CDH13: variants seen among roughly 807,000 people sequenced by gnomAD.
CDH13 encodes cadherin-13.
In CDH13, 24 loss-of-function variants were observed where a neutral mutation model predicts 63.8. That is an observed-to-expected ratio of 0.38 (90% confidence interval 0.27 to 0.53). The LOEUF (loss-of-function observed/expected upper bound fraction) is 0.53, where lower values mean the gene tolerates loss of function less well. Ranked by LOEUF, CDH13 falls within the 20% of genes least tolerant of loss-of-function variation. CDH13 has a pLI of 0.85. For synonymous variants in CDH13, 503 were observed against 355.3 expected, an observed-to-expected ratio of 1.42 and a Z score of -4.67; for missense variants, 1,049 against 903.1, an observed-to-expected ratio of 1.16 and a Z score of -2.07.
intron 5 of CDH13, among the ~76,000 whole-genome samples, chr16:83,288,637 T>A (rs1597671386): frequency 6.6e-6 from 1 of 152,324 alleles, no homozygotes; most frequent in East Asian, 1.9e-4. Context: ...AGAAAGCTTG[T>A]GTCCCCAAGA....
At chr16:82,719,889 C>T (rs1002926331) in intron 1 of CDH13, among the ~76,000 whole-genome samples, 2 of 150,530 alleles carry the variant, frequency 1.3e-5, no homozygotes, top group African/African-American at 4.9e-5. Flanking sequence ...ACCATATGTC[C>T]TCACTTAACT....
intron 1 of CDH13, among the ~76,000 whole-genome samples, chr16:82,857,020 C>T (rs532752576): frequency 3.4e-4 from 52 of 152,286 alleles, no homozygotes; most frequent in Non-Finnish European, 6.3e-4. Flanking sequence ...ATAAAATACC[C>T]TTCCACAAGT....
At chr16:83,220,093 T>G (rs141561718) in intron 5 of CDH13, among the ~76,000 whole-genome samples, 51 of 152,330 alleles carry the variant, frequency 3.3e-4, no homozygotes, top group African/African-American at 1.2e-3. Flanking sequence ...AGCGCACTCT[T>G]CAATGGGCTC....
intron 8 of CDH13, among the ~76,000 whole-genome samples, chr16:83,615,865 A>G (rs1177450458): frequency 6.6e-6 from 1 of 152,206 alleles, no homozygotes; most frequent in Non-Finnish European, 1.5e-5. Flanking sequence ...TTTGCTGCAA[A>G]ACCGCCAACA....
intron 4 of CDH13, among the ~76,000 whole-genome samples, chr16:83,153,255 G>C (rs115371217): frequency 0.041 from 6,281 of 152,092 alleles, 191 homozygotes; most frequent in Non-Finnish European, 0.057. Context: ...GGGGTGTCAT[G>C]TTCTTCTTGC....
At chr16:83,439,583 G>A (rs59857006) in intron 6 of CDH13, among the ~76,000 whole-genome samples, 1,699 of 152,328 alleles carry the variant, frequency 0.011, 33 homozygotes, top group African/African-American at 0.039. Context: ...GGCTACAGCC[G>A]TAATTGGCAA....
chr16:83,466,592 C>A (rs1169621670), intron 6 of CDH13, among the ~76,000 whole-genome samples: 1 of 152,176 alleles, frequency 6.6e-6, no homozygotes, highest in African/African-American at 2.4e-5. Context: ...TTCATCAACC[C>A]AAAACTCAGG....
intron 7 of CDH13, among the ~76,000 whole-genome samples, chr16:83,501,001 A>G (rs2074272015): frequency 6.6e-6 from 1 of 152,164 alleles, no homozygotes; most frequent in Non-Finnish European, 1.5e-5. Flanking sequence ...ATGTTTTCAA[A>G]GGTGTATTAA....
intron 10 of CDH13, among the ~76,000 whole-genome samples, chr16:83,722,776 G>GGT (rs1909870393): frequency 6.6e-6 from 1 of 152,246 alleles, no homozygotes; most frequent in African/African-American, 2.4e-5. Context: ...AGGCTGGGGG[G>GGT]GTGGATTTCA....
At chr16:83,533,072 C>T (rs985846042) in intron 7 of CDH13, among the ~76,000 whole-genome samples, 29 of 152,282 alleles carry the variant, frequency 1.9e-4, no homozygotes, top group African/African-American at 7.0e-4. Flanking sequence ...TTCTGTTCTG[C>T]CTGCTCCTAT....
At chr16:83,728,342 C>CGT (rs145865689) in intron 10 of CDH13, among the ~76,000 whole-genome samples, 79 of 149,320 alleles carry the variant, frequency 5.3e-4, no homozygotes, top group East Asian at 3.9e-3. Context: ...TATGTGTGTG[C>CGT]GTGTGTGTGT....
At chr16:82,671,683 A>T (rs887106524) in intron 1 of CDH13, among the ~76,000 whole-genome samples, 1 of 152,138 alleles carries the variant, frequency 6.6e-6, no homozygotes, top group Non-Finnish European at 1.5e-5. Flanking sequence ...CGTGAATCCA[A>T]CTGAAATTTT....
intron 1 of CDH13, among the ~76,000 whole-genome samples, chr16:82,828,249 T>G (rs769992596): frequency 1.7e-4 from 26 of 152,340 alleles, no homozygotes; most frequent in South Asian, 1.4e-3. Flanking sequence ...GAAGACTCTT[T>G]ACGTCTGTTT....
intron 7 of CDH13, among the ~76,000 whole-genome samples, chr16:83,521,328 T>C (rs563980608): frequency 6.6e-6 from 1 of 152,164 alleles, no homozygotes; most frequent in African/African-American, 2.4e-5. Context: ...AGGTACTCTT[T>C]GCTCTTTGAA....
chr16:82,868,445 G>A (rs144541481), intron 2 of CDH13, among the ~76,000 whole-genome samples: 67 of 152,200 alleles, frequency 4.4e-4, no homozygotes, highest in South Asian at 3.7e-3. Flanking sequence ...ATAAAATGAC[G>A]TAAGATAAGA....
At chr16:82,973,034 A>G (rs1035368632) in intron 2 of CDH13, among the ~76,000 whole-genome samples, 1 of 152,122 alleles carries the variant, frequency 6.6e-6, no homozygotes, top group Non-Finnish European at 1.5e-5. Flanking sequence ...GAATCTCAGA[A>G]TTTACTGCCA....
At chr16:82,823,442 A>G (rs1348899806) in intron 1 of CDH13, 1 of 152,232 alleles carries the variant, frequency 6.6e-6, no homozygotes, top group African/African-American at 2.4e-5. Context: ...TGTTTCATGA[A>G]TTTGAAAACA....
chr16:82,988,205 T>G (rs1181662567), intron 2 of CDH13, among the ~76,000 whole-genome samples: 1 of 152,222 alleles, frequency 6.6e-6, no homozygotes, highest in Admixed American at 6.5e-5. Flanking sequence ...GTAGTGTATA[T>G]GTATGCACAT....
At chr16:82,687,607 G>A (rs1037843155) in intron 1 of CDH13, among the ~76,000 whole-genome samples, 4 of 152,092 alleles carry the variant, frequency 2.6e-5, no homozygotes, top group Admixed American at 1.3e-4. Flanking sequence ...ACTATCACAA[G>A]AACAGCATGG....
Sources: allele counts gnomAD v4.1 joint callset (sites outside exome capture counted in the v4.1 genomes callset), GRCh38; gene constraint gnomAD v4.1.1; transcripts MANE v1.5; gene names NCBI Gene and HGNC (gene_info 2026-07-23, HGNC 2026-07-21).